The following MYO1F variants were observed in gnomAD, a reference collection of about 807,000 sequenced individuals.
The protein encoded by MYO1F is unconventional myosin-If.
A neutral mutation model predicts 146.6 loss-of-function variants in MYO1F; 60 were observed. The observed-to-expected ratio is 0.41, with a 90% CI of 0.33 to 0.51. The LOEUF (loss-of-function observed/expected upper bound fraction) is 0.51, where lower values mean the gene tolerates loss of function less well. Among genes scored for constraint, MYO1F ranks in the 20% least tolerant of loss-of-function variants. The pLI is 0.25. For synonymous variants in MYO1F, 602 were observed against 602.1 expected (o/e 1.00, Z 0.00); for missense variants, 1,274 against 1,534.3 (o/e 0.83, Z 2.83).
At chr19:8,524,582 CAA>C (rs35275313) in intron 25 of MYO1F, among the ~76,000 whole-genome samples, 5,864 of 131,958 alleles carry the variant, frequency 0.044, 122 homozygotes, top group African/African-American at 0.047. Context: ...GAGACTGTCT[CAA>C]AAAAAAAAAA....
At chr19:8,565,637 G>T (rs1042827975) in intron 1 of MYO1F, among the ~76,000 whole-genome samples, 1 of 152,124 alleles carries the variant, frequency 6.6e-6, no homozygotes, top group African/African-American at 2.4e-5. Context: ...GGTCGTGAGT[G>T]GTGAGGGTCT....
At chr19:8,566,977 T>C (rs2042016086) in intron 1 of MYO1F, among the ~76,000 whole-genome samples, 1 of 151,986 alleles carries the variant, frequency 6.6e-6, no homozygotes, top group Admixed American at 6.6e-5. Flanking sequence ...AGGCCAAGCC[T>C]GGTCTAAGCT....
Position 8,543,663 on chromosome 19 carries a change from GTGGTGGTGGTGC to G in MYO1F, c.1524+622_1524+633del, listed in dbSNP as rs1568348282. 1.4e-3 allele frequency among the ~76,000 whole-genome samples: 97 copies of G among 69,936 alleles called. 1 individual carries two copies. Among genetic ancestry groups the G allele is most frequent in the South Asian group, 2.9e-3 (5 of 1,748 alleles). The allele number at this position is 69,936 out of a possible 152,430, so 45.9% of individuals were successfully genotyped here. ...GGTGGTGGTGGTGGTGCTGGTGGTG[GTGGTGGTGGTGC>G]TGGTGGTGGTGGTGGTGGTGGTGGT... On this transcript the variant is annotated intron_variant, in intron 14 of 27. Transcript: ENST00000644032.
chr19:8,527,359 G>T lies in MYO1F; in HGVS notation c.2453C>A (p.Ala818Asp), dbSNP rs1355842879. Residue 818 changes from alanine to aspartate, a missense_variant, in exon 22 of 28, where the codon GCT becomes GAT. By Grantham distance (126) the Ala-to-Asp change is moderately radical. Transcript: ENST00000644032. ...TCACCTGAGGGAGACTCCCCGCAGA[G>T]CCTGGATGTCCACTTTCTTCTTCAA... ...EVLKKKVDIQ[A>D]LRGVSLSTRQ... 5 of 1,613,990 alleles carry T rather than the reference G, an allele frequency of 3.1e-6. No homozygotes were observed. The African/African-American group carries it at 6.7e-5, about 22-fold the overall frequency.
intron 21 of MYO1F, chr19:8,529,765 A>T (rs1208171517): frequency 9.3e-6 from 3 of 324,270 alleles, no homozygotes; most frequent in Non-Finnish European, 1.8e-5. Context: ...CTACAAGTGC[A>T]TGTTTGATGG....
rs930871056 is a variant in MYO1F, at chr19:8,521,396, G to T, written c.*132C>A. The T allele has an allele frequency of 1.2e-5, 11 of 952,722 alleles. No homozygotes were observed. In the East Asian group the frequency reaches 2.9e-4, roughly 25 times the overall value. The allele number at this position is 952,722 out of a possible 1,614,324, so 59.0% of individuals were successfully genotyped here. ...GTGACCCAGGGCCTGGGCAGGACTG[G>T]AGGCCAAAGGACTGGACTTTTAGGC... On this transcript the variant is annotated 3_prime_UTR_variant, in exon 28 of 28. Coordinates refer to ENST00000644032, the MANE Select transcript of MYO1F (RefSeq NM_012335.4).
intron 1 of MYO1F, among the ~76,000 whole-genome samples, chr19:8,573,637 G>T: frequency 6.6e-6 from 1 of 152,140 alleles, no homozygotes; most frequent in Non-Finnish European, 1.5e-5. Context: ...ATCACTTGAG[G>T]TTAGGAGTTG....
chr19:8,544,299 T>C lies in MYO1F; in HGVS notation c.1522A>G (p.Lys508Glu), dbSNP rs1374443528. The C allele has an allele frequency of 6.2e-7, 1 of 1,612,934 alleles. No homozygotes were observed. The highest frequency in any genetic ancestry group is 1.1e-5 in the South Asian group (1 of 91,066). The change falls in exon 14 of 28, where the codon AAG becomes GAG. Residue 508 changes from lysine to glutamate, a missense_variant and splice_region_variant. Lys to Glu is a moderately conservative substitution (Grantham distance 56). Transcript: ENST00000644032. ...AGFVIHHYAG[K>E]VSYDVSGFCE... ...TAGGGTAGGGGCAGGGGGCGCACCT[T>C]GCCAGCGTAGTGGTGGATGACGAAG...
Position 8,551,762 on chromosome 19 carries a change from C to T in MYO1F, c.749G>A (p.Arg250Lys). Residue 250 changes from arginine (R) to lysine (K), a missense_variant, in exon 8 of 28, where the codon AGA (arginine) becomes AAA (lysine). By Grantham distance (26) the Arg-to-Lys change is conservative. This residue lies in a region of MYO1F where 900 missense variants were observed against 1,155.1 expected (regional missense o/e 0.78). Coordinates refer to ENST00000644032, the MANE Select transcript of MYO1F (RefSeq NM_012335.4). ...DTYQVDGTDD[R>K]SDFGETLSAM... ...CACCAGAGTCTCACCAAAGTCGCTT[C>T]TGTCGTCCGTGCCGTCCACCTGGTA... The T allele has an allele frequency of 2.5e-6, 4 of 1,614,150 alleles. No homozygotes were observed. Among genetic ancestry groups the T allele is most frequent in the Non-Finnish European group, 3.4e-6 (4 of 1,180,026 alleles).
chr19:8,525,577 T>C lies in MYO1F; in HGVS notation c.2771-15A>G, dbSNP rs374749781. ...CCGCGTAGGCTCTGAAAGAAGAGTGTCAGGGAGTTGAATGACAGACAGACC... is the reference window on the plus strand; with the variant it reads ...CCGCGTAGGCTCTGAAAGAAGAGTGCCAGGGAGTTGAATGACAGACAGACC... On this transcript the variant is annotated splice_polypyrimidine_tract_variant and intron_variant, in intron 24 of 27. Coordinates refer to ENST00000644032, the MANE Select transcript of MYO1F (RefSeq NM_012335.4). 1.6e-5 allele frequency: 26 copies of C among 1,609,344 alleles called. No homozygotes were observed. The African/African-American group carries it at 2.4e-4, about 15-fold the overall frequency.
In MYO1F at chr19:8,541,673, T is replaced by C; in HGVS notation, c.1610+233A>G. The C allele has an allele frequency of 9.2e-6, 5 of 544,142 alleles. No individual in the cohort carries two copies. In the South Asian group the frequency reaches 9.7e-5, roughly 11 times the overall value. 33.7% of individuals were successfully genotyped at this position (544,142 alleles called of 1,614,324 possible). ...CAAACTCTTGGCCTCAAGAGATTTGTCCACTTCGGCCTCCCAAAGTGCTGG... is the reference window on the plus strand; with the variant it reads ...CAAACTCTTGGCCTCAAGAGATTTGCCCACTTCGGCCTCCCAAAGTGCTGG... On this transcript the variant is annotated intron_variant, in intron 15 of 27. Coordinates refer to ENST00000644032, the MANE Select transcript of MYO1F (RefSeq NM_012335.4).
chr19:8,522,510 C>T lies in MYO1F; in HGVS notation c.3087G>A (p.Val1029=), dbSNP rs1972101927. 2 of 1,613,536 alleles carry T rather than the reference C, an allele frequency of 1.2e-6. No individual in the cohort carries two copies. The highest frequency in any genetic ancestry group is 1.7e-6 in the Non-Finnish European group (2 of 1,179,882). The part of the protein sequence containing the change: ...QRKRSVGQRP[V]PGVGRPKPQP... ...GGGGCTTGGGTCGGCCCACACCAGG[C>T]ACTGGCCGTTGCCCCACGCTGCGCT... The change falls in exon 27 of 28, where the codon GTG becomes GTA. Residue 1029 remains valine, a synonymous_variant. Transcript: ENST00000644032.
At chr19:8,552,631 A>G (rs1973663247) in intron 6 of MYO1F, among the ~76,000 whole-genome samples, 1 of 150,976 alleles carries the variant, frequency 6.6e-6, no homozygotes, top group Non-Finnish European at 1.5e-5. Flanking sequence ...TATGAGATGG[A>G]TATTAACATC....
rs1277399984 is a variant in MYO1F at position 8,541,972 on chromosome 19, C to A, written c.1544G>T (p.Gly515Val). The change falls in exon 15 of 28, where the codon GGC (glycine) becomes GTC (valine). Residue 515 changes from glycine to valine, a missense_variant. By Grantham distance (109) the Gly-to-Val change is moderately radical. This residue lies in a region of MYO1F where 900 missense variants were observed against 1,155.1 expected (regional missense o/e 0.78). Coordinates refer to ENST00000644032, the MANE Select transcript of MYO1F (RefSeq NM_012335.4). Reference sequence around the variant, plus strand: ...AACGTCTCGGTTCCTCTCGCAGAAGCCGCTGACGTCGTAGGAGACCTGGAG... The same window carrying A: ...AACGTCTCGGTTCCTCTCGCAGAAGACGCTGACGTCGTAGGAGACCTGGAG... ...YAGKVSYDVS[G>V]FCERNRDVLF... 12 of 1,613,298 alleles carry A rather than the reference C, an allele frequency of 7.4e-6. No individual in the cohort carries two copies. Among genetic ancestry groups the A allele is most frequent in the Non-Finnish European group, 1.0e-5 (12 of 1,179,962 alleles).
intron 13 of MYO1F, 89 bp from the exon 14 acceptor site, chr19:8,544,553 G>T: frequency 2.2e-6 from 3 of 1,394,256 alleles, no homozygotes; most frequent in South Asian, 1.2e-5. Flanking sequence ...GGGAGGGAGG[G>T]GGTGGAGGAG....
At chr19:8,553,293 T>C (rs1340216458) in intron 5 of MYO1F, 57 bp downstream of exon 5, 1 of 1,609,102 alleles carries the variant, frequency 6.2e-7, no homozygotes, top group Non-Finnish European at 8.5e-7. Context: ...TGGGTGGGGC[T>C]GCACTACCAT....
intron 3 of MYO1F, 31 bp downstream of exon 3, chr19:8,554,623 G>T (rs771898718): frequency 1.2e-6 from 2 of 1,612,536 alleles, no homozygotes; most frequent in Non-Finnish European, 8.5e-7. Context: ...GGAGTCTGGG[G>T]GCTGTGCCTC....
rs782618278 is a variant in MYO1F, at chr19:8,577,263, T to A, written c.3+44A>T. The stretch of plus-strand genomic sequence containing the variant: ...TTAGGACACCTCCACCTGGCTGGTG[T>A]CCCTCCTCTTTCTTCTTCCAGATCC... On this transcript the variant is annotated intron_variant, in intron 1 of 27. Transcript: ENST00000644032. The surrounding 1 kb of genome is among the most constrained non-coding windows in gnomAD (Gnocchi z 4.3). 1.2e-5 allele frequency: 19 copies of A among 1,611,170 alleles called. No individual in the cohort carries two copies. In the East Asian group the frequency reaches 4.2e-4, roughly 36 times the overall value.
intron 6 of MYO1F, 72 bp downstream of exon 6, chr19:8,553,067 A>T (rs1214197047): frequency 7.4e-7 from 1 of 1,356,840 alleles, no homozygotes; most frequent in Non-Finnish European, 1.1e-6. Flanking sequence ...GGGTGTGTGT[A>T]TGTGTGGGTG....
Sources: gnomAD v4.1 joint callset for allele counts (sites outside exome capture counted in the v4.1 genomes callset) on GRCh38, gnomAD v4.1.1 for gene constraint, gnomAD v4.1.1 regional missense constraint, Gnocchi (gnomAD v3.1) non-coding constraint, MANE v1.5 for transcripts, NCBI Gene and HGNC (gene_info 2026-07-23, HGNC 2026-07-21) for gene names.